The following PCDHGB1 variants were observed in gnomAD, a reference collection of about 807,000 sequenced individuals.
PCDHGB1 encodes protocadherin gamma-B1.
In PCDHGB1, 34 loss-of-function variants were observed where a neutral mutation model predicts 56.6. The ratio of observed to expected loss-of-function variants is 0.60; its 90% confidence interval spans 0.46 to 0.80. PCDHGB1 has a LOEUF of 0.80. PCDHGB1 is among the 30% of genes least tolerant of loss of function. The probability of loss-of-function intolerance (pLI) is 0.00; values close to 1 mark genes in which losing one functional copy is unlikely to be tolerated. For missense variants in PCDHGB1, 1,278 were observed against 1,204.6 expected (o/e 1.06, Z -0.90); for synonymous variants, 561 against 505.9 (o/e 1.11, Z -1.46).
Position 141,415,748 on chromosome 5 carries a change from T to G in PCDHGB1, c.2409+63079T>G, listed in dbSNP as rs1345423849. On this transcript the variant is annotated intron_variant, in intron 1 of 3. Transcript: ENST00000523390. ...ATTTGATGTTTATTAAGGTTTTTTT[T>G]TTTTTTTTTTTTTTTTTTTTTTTTA... is the stretch of plus-strand genomic sequence containing the variant. 87 of 1,008,904 alleles carry G rather than the reference T, an allele frequency of 8.6e-5. No individual in the cohort carries two copies. The Middle Eastern group carries it at 1.2e-3, about 13-fold the overall frequency. 62.5% of individuals were successfully genotyped at this position (1,008,904 alleles called of 1,614,324 possible).
chr5:141,370,889 T>C, intron 1 of PCDHGB1: 4 of 1,614,040 alleles, frequency 2.5e-6, no homozygotes, highest in Non-Finnish European at 3.4e-6. Context: ...TAGGTGTCAA[T>C]TCGCTGCAGC....
intron 2 of PCDHGB1, among the ~76,000 whole-genome samples, chr5:141,504,059 T>C (rs1179226175): frequency 6.6e-6 from 1 of 152,184 alleles, no homozygotes; most frequent in Admixed American, 6.6e-5. Flanking sequence ...ATTGAAAAAC[T>C]TCTCTGAGCC....
chr5:141,404,835 C>T, intron 1 of PCDHGB1: 1 of 1,613,920 alleles, frequency 6.2e-7, no homozygotes, highest in Non-Finnish European at 8.5e-7. Context: ...GAAGTGCGCA[C>T]AGCTCGGGCC....
At chr5:141,427,923 C>T (rs2097089935) in intron 1 of PCDHGB1, 3 of 1,580,656 alleles carry the variant, frequency 1.9e-6, no homozygotes, top group African/African-American at 1.3e-5. Context: ...CATGAGCCGG[C>T]GCATGTTGGT....
rs148240637 is a variant in PCDHGB1, at chr5:141,383,750, T to A, written c.2409+31081T>A. On this transcript the variant is annotated intron_variant, in intron 1 of 3. Transcript: ENST00000523390. ...GAAGTGACATATTCTTTTCGGAAAA[T>A]AACTCCTAAACTTCCAAAGATGTTT... 1.9e-3 allele frequency: 3,008 copies of A among 1,613,910 alleles called. 48 individuals are homozygous for A. In the African/African-American group the frequency reaches 0.033, roughly 18 times the overall value.
rs200686404 is a variant in PCDHGB1 at position 141,477,185 on chromosome 5, G to A, written c.2410-17622G>A. On this transcript the variant is annotated intron_variant, in intron 1 of 3. Transcript: ENST00000523390. The surrounding 1 kb of genome is among the most constrained non-coding windows in gnomAD (Gnocchi z 4.9). ...CGCCCCGGAGATCACAGTCACCTCCGTGTACAGCCCAGTACCCGAGGATGC... is the reference window on the plus strand; with the variant it reads ...CGCCCCGGAGATCACAGTCACCTCCATGTACAGCCCAGTACCCGAGGATGC... 1.2e-6 allele frequency: 2 copies of A among 1,614,210 alleles called. No individual in the cohort carries two copies. Among genetic ancestry groups the A allele is most frequent in the South Asian group, 1.1e-5 (1 of 91,084 alleles).
rs768367034 is a variant in PCDHGB1 at position 141,360,834 on chromosome 5, G to A, written c.2409+8165G>A. On this transcript the variant is annotated intron_variant, in intron 1 of 3. Transcript: ENST00000523390. ...CGACCCAAATCCGAATCAAAGTCAC[G>A]GATGCCAACGATAACCCTCCAGTGT... 5 of 1,613,800 alleles carry A rather than the reference G, an allele frequency of 3.1e-6. No individual in the cohort carries two copies. The African/African-American group carries it at 6.7e-5, about 22-fold the overall frequency.
intron 1 of PCDHGB1, chr5:141,360,103 T>A (rs1233715978): frequency 1.3e-6 from 2 of 1,539,284 alleles, no homozygotes; most frequent in Non-Finnish European, 1.7e-6. Flanking sequence ...GGCTTATTCC[T>A]CCTATGGGCA....
At chr5:141,502,525 G>A (rs1258704254) in intron 2 of PCDHGB1, among the ~76,000 whole-genome samples, 1 of 152,074 alleles carries the variant, frequency 6.6e-6, no homozygotes, top group Non-Finnish European at 1.5e-5. Flanking sequence ...CAGTGATGCC[G>A]AGTTTGTTCG....
rs999250620 is a variant in PCDHGB1, at chr5:141,373,672, T to C, written c.2409+21003T>C. 5.3e-5 allele frequency among the ~76,000 whole-genome samples: 8 copies of C among 152,368 alleles called. No individual in the cohort carries two copies. The East Asian group carries it at 1.3e-3, about 26-fold the overall frequency. ...TAAGAGATATTTTCATAAAAATGAA[T>C]GGTAAACTTCAGAGAACATTTAAAA... On this transcript the variant is annotated intron_variant, in intron 1 of 3. Coordinates refer to ENST00000523390, the MANE Select transcript of PCDHGB1 (RefSeq NM_018922.3).
chr5:141,384,547 C>T (rs1780195966), intron 1 of PCDHGB1: 15 of 1,614,252 alleles, frequency 9.3e-6, no homozygotes, highest in Non-Finnish European at 1.3e-5. Flanking sequence ...GTCACTGAGC[C>T]TGTTCGTGCT....
intron 1 of PCDHGB1, among the ~76,000 whole-genome samples, chr5:141,354,288 A>G: frequency 6.6e-6 from 1 of 152,310 alleles, no homozygotes; most frequent in African/African-American, 2.4e-5. Flanking sequence ...GTCATTCATG[A>G]AACATTGAAA....
chr5:141,481,066 A>G (rs1366968394), intron 1 of PCDHGB1, among the ~76,000 whole-genome samples: 1 of 152,156 alleles, frequency 6.6e-6, no homozygotes, highest in Non-Finnish European at 1.5e-5. Flanking sequence ...TCAAAAACAA[A>G]AAGAAAGAAA....
chr5:141,375,761 C>T (rs1771855837), intron 1 of PCDHGB1: 1 of 1,614,118 alleles, frequency 6.2e-7, no homozygotes, highest in Admixed American at 1.7e-5. Flanking sequence ...TGACAATGCG[C>T]CCGAGATCCT....
At chr5:141,443,728 C>T (rs1434984241) in intron 1 of PCDHGB1, among the ~76,000 whole-genome samples, 1 of 152,060 alleles carries the variant, frequency 6.6e-6, no homozygotes, top group Admixed American at 6.5e-5. Flanking sequence ...ATTCCTCATA[C>T]ATTTCCCTAT....
Position 141,490,973 on chromosome 5 carries a change from G to A in PCDHGB1, c.2410-3834G>A, listed in dbSNP as rs774983500. 5.0e-6 allele frequency: 8 copies of A among 1,613,932 alleles called. No homozygotes were observed. The highest frequency in any genetic ancestry group is 2.2e-5 in the East Asian group (1 of 44,878). On this transcript the variant is annotated intron_variant, in intron 1 of 3. Transcript: ENST00000523390. The surrounding 1 kb of genome is among the most constrained non-coding windows in gnomAD (Gnocchi z 5.4). ...GACTGGGAACACTCAGCCCCCCAGC[G>A]TCTCCCTCGCTCTGCTCCTCCTGGC...
intron 3 of PCDHGB1, among the ~76,000 whole-genome samples, chr5:141,507,918 G>C (rs1409126707): frequency 6.6e-6 from 1 of 152,208 alleles, no homozygotes; most frequent in Non-Finnish European, 1.5e-5. Flanking sequence ...CAGGCCTGTG[G>C]GGCTGCTGAG....
rs1001516677 is a variant in PCDHGB1 at position 141,399,747 on chromosome 5, A to G, written c.2409+47078A>G. On this transcript the variant is annotated intron_variant, in intron 1 of 3. Coordinates refer to ENST00000523390, the MANE Select transcript of PCDHGB1 (RefSeq NM_018922.3). The stretch of plus-strand genomic sequence containing the variant: ...ACCAGGGCTCGCCTGCGCTCAGCGC[A>G]AACGTGAGCCTGCGCGTGTTGGTGG... 3.7e-6 allele frequency: 6 copies of G among 1,613,228 alleles called. No homozygotes were observed. In the African/African-American group the frequency reaches 6.7e-5, roughly 18 times the overall value.
At chr5:141,360,849 C>T (rs1761771921) in intron 1 of PCDHGB1, 2 of 1,613,872 alleles carry the variant, frequency 1.2e-6, no homozygotes, top group African/African-American at 2.7e-5. Context: ...CCAACGATAA[C>T]CCTCCAGTGT....
Sources: allele counts gnomAD v4.1 joint callset (sites outside exome capture counted in the v4.1 genomes callset), GRCh38; gene constraint gnomAD v4.1.1; non-coding constraint Gnocchi (gnomAD v3.1); transcripts MANE v1.5; gene names NCBI Gene and HGNC (gene_info 2026-07-23, HGNC 2026-07-21).